RSPH14: variants seen among roughly 807,000 people sequenced by gnomAD.
RSPH14 encodes rhabdoid tumor deletion region gene 1.
In RSPH14, 20 loss-of-function variants were observed where a neutral mutation model predicts 26.7. That is an observed-to-expected ratio of 0.75 (90% CI 0.53 to 1.09). The LOEUF (loss-of-function observed/expected upper bound fraction) is 1.09. Ranked by LOEUF, RSPH14 falls within the 50% of genes least tolerant of loss-of-function variation. RSPH14 has a pLI of 0.00. For missense variants in RSPH14, 449 were observed against 457.2 expected (o/e 0.98, Z 0.16); for synonymous variants, 177 against 189.3 (o/e 0.93, Z 0.53).
chr22:23,076,267 G>T (rs75327175), intron 4 of RSPH14, among the ~76,000 whole-genome samples: 1 of 152,280 alleles, frequency 6.6e-6, no homozygotes, highest in Non-Finnish European at 1.5e-5. Context: ...TTCATTCATC[G>T]TATGTGTTTG....
upstream of RSPH14, chr22:23,145,597 C>A (rs1318893921): frequency 1.9e-6 from 3 of 1,561,724 alleles, no homozygotes; most frequent in South Asian, 2.3e-5. Flanking sequence ...GTCACCCAAC[C>A]CCGTGCTGGC....
intron 5 of RSPH14, among the ~76,000 whole-genome samples, chr22:23,062,359 G>A (rs1452098398): frequency 1.3e-5 from 2 of 152,220 alleles, no homozygotes; most frequent in Non-Finnish European, 2.9e-5. Flanking sequence ...CTGGGCAACT[G>A]CAGCTAAGGA....
At chr22:23,143,929 A>T (rs949595968), upstream of RSPH14, among the ~76,000 whole-genome samples, 4 of 151,948 alleles carry the variant, frequency 2.6e-5, no homozygotes, top group African/African-American at 4.8e-5. Flanking sequence ...CATCTCTACT[A>T]AAAAAATTTA....
intron 4 of RSPH14, among the ~76,000 whole-genome samples, chr22:23,098,930 C>T (rs983514954): frequency 5.9e-5 from 9 of 152,366 alleles, no homozygotes; most frequent in Non-Finnish European, 1.0e-4. Context: ...CCTTTTGGAA[C>T]GTGCTGAACT....
chr22:23,079,121 T>C (rs2146264739), intron 4 of RSPH14, among the ~76,000 whole-genome samples: 1 of 152,242 alleles, frequency 6.6e-6, no homozygotes, highest in South Asian at 2.1e-4. Flanking sequence ...AGACCAACAG[T>C]CCCTGCCCTA....
chr22:23,160,934 G>A, the RSPH14 span: 410,836 of 1,613,334 alleles, frequency 0.25, 54,252 homozygotes, highest in East Asian at 0.36. Flanking sequence ...TCGAGCAGTC[G>A]GTGCTGCAGG....
the RSPH14 span, among the ~76,000 whole-genome samples, chr22:23,171,854 A>C: frequency 1.5e-4 from 10 of 65,038 alleles, no homozygotes; most frequent in East Asian, 2.4e-3. Flanking sequence ...AAAAAAAAAA[A>C]CAAAAAAAAA....
At chr22:23,164,349 C>A in the RSPH14 span, 11 of 152,278 alleles carry the variant, frequency 7.2e-5, no homozygotes, top group African/African-American at 2.7e-4. Context: ...CATATTACCT[C>A]CTGCAATGTG....
intron 4 of RSPH14, among the ~76,000 whole-genome samples, chr22:23,125,459 CA>C (rs774669758): frequency 9.2e-5 from 14 of 152,088 alleles, no homozygotes; most frequent in Non-Finnish European, 1.8e-4. Context: ...TAGTGTAGGG[CA>C]AACCTTGTAG....
chr22:23,151,293 C>T, the RSPH14 span, among the ~76,000 whole-genome samples: 9 of 152,230 alleles, frequency 5.9e-5, no homozygotes, highest in African/African-American at 2.2e-4. Context: ...CTTATGGCAG[C>T]ACTGGAGGTG....
At chr22:23,171,702 C>A in the RSPH14 span, among the ~76,000 whole-genome samples, 6 of 151,970 alleles carry the variant, frequency 3.9e-5, no homozygotes, top group South Asian at 4.2e-4. Context: ...ATTAGCCAGG[C>A]GTGGTGGCAC....
In RSPH14 at chr22:23,071,133, T is replaced by C. The variant is rs2068360391; in HGVS notation, c.422-7000A>G. 6.6e-6 allele frequency among the ~76,000 whole-genome samples: 1 copy of C among 152,040 alleles called. No individual in the cohort carries two copies. Among genetic ancestry groups the C allele is most frequent in the Non-Finnish European group, 1.5e-5 (1 of 68,002 alleles). Reference sequence around the variant, plus strand: ...AGCGAGCAGGTTCCTCACAGGCATTTAGAGGAAGAGATGAGTATCGACCTG... The same window carrying C: ...AGCGAGCAGGTTCCTCACAGGCATTCAGAGGAAGAGATGAGTATCGACCTG... On this transcript the variant is annotated intron_variant, in intron 4 of 6. Transcript: ENST00000216036. This position sits in a 1 kb window ranked among gnomAD's most constrained non-coding sequence, Gnocchi z 4.1.
At chr22:23,145,625 C>A, upstream of RSPH14, 1 of 1,470,500 alleles carries the variant, frequency 6.8e-7, no homozygotes. Context: ...GAGGCCAGGG[C>A]CGCGAGGGCA....
chr22:23,133,334 G>C (rs1271163873), intron 4 of RSPH14, among the ~76,000 whole-genome samples: 1 of 152,170 alleles, frequency 6.6e-6, no homozygotes. Flanking sequence ...TTAAGCAAAA[G>C]TAGCTACAAG....
chr22:23,107,223 C>T (rs939739711), intron 4 of RSPH14, among the ~76,000 whole-genome samples: 13 of 152,174 alleles, frequency 8.5e-5, no homozygotes, highest in African/African-American at 3.1e-4. Flanking sequence ...CAAGCAGAGG[C>T]TCTGACTTCT....
intron 1 of RSPH14, 52 bp downstream of exon 1, chr22:23,141,897 G>A (rs1416609740): frequency 1.2e-6 from 1 of 812,986 alleles, no homozygotes; most frequent in Non-Finnish European, 1.5e-6. Context: ...GGACTGGGTG[G>A]GTCACTGGGC....
chr22:23,074,028 T>C (rs1454883218), intron 4 of RSPH14, among the ~76,000 whole-genome samples: 6 of 151,964 alleles, frequency 3.9e-5, no homozygotes, highest in Non-Finnish European at 1.5e-5. Context: ...GAGCAGACAC[T>C]CCCTGGCCCC....
the RSPH14 span, chr22:23,163,606 G>GCCCCCCCCCCCCCCCCCCCCCCCCA: frequency 8.0e-6 from 1 of 125,234 alleles, no homozygotes; most frequent in African/African-American, 2.7e-5. Context: ...CAAGGTGAAA[G>GCCCCCCCCCCCCCCCCCCCCCCCCA]CCCCCCCCCC....
intron 4 of RSPH14, among the ~76,000 whole-genome samples, chr22:23,125,432 G>A (rs1419554976): frequency 4.6e-5 from 7 of 152,186 alleles, no homozygotes; most frequent in African/African-American, 1.7e-4. Flanking sequence ...GGGCCTGGAG[G>A]GTTCCTGTGC....
Sources: gnomAD v4.1 joint callset for allele counts (sites outside exome capture counted in the v4.1 genomes callset) on GRCh38, gnomAD v4.1.1 for gene constraint, Gnocchi (gnomAD v3.1) non-coding constraint, MANE v1.5 for transcripts, NCBI Gene and HGNC (gene_info 2026-07-23, HGNC 2026-07-21) for gene names.